UNC5D: variants seen among roughly 807,000 people sequenced by gnomAD.
UNC5D encodes the protein netrin receptor UNC5D.
UNC5D carries 39 observed loss-of-function variants against 105.4 expected under a neutral mutation model. That is an observed-to-expected ratio of 0.37 (90% CI 0.29 to 0.48). The LOEUF (loss-of-function observed/expected upper bound fraction) is 0.48. Among genes scored for constraint, UNC5D ranks in the 20% least tolerant of loss-of-function variants. The probability of loss-of-function intolerance (pLI) is 0.98; values close to 1 mark genes in which losing one functional copy is unlikely to be tolerated. For synonymous variants in UNC5D, 452 were observed against 450.4 expected (o/e 1.00, Z -0.04); for missense variants, 991 against 1,202.4 (o/e 0.82, Z 2.60).
chr8:35,599,879 G>A (rs779413513), intron 4 of UNC5D, among the ~76,000 whole-genome samples: 21 of 151,984 alleles, frequency 1.4e-4, no homozygotes, highest in Admixed American at 4.6e-4. Flanking sequence ...GTATACATGC[G>A]CCATGTTGGT....
chr8:35,533,920 G>A (rs569816173), intron 1 of UNC5D, among the ~76,000 whole-genome samples: 60 of 152,242 alleles, frequency 3.9e-4, no homozygotes, highest in Non-Finnish European at 5.0e-4. Flanking sequence ...CACGGTGCGC[G>A]CACCCACTGG....
chr8:35,713,870 TAG>T (rs1243320656), intron 8 of UNC5D, among the ~76,000 whole-genome samples: 3 of 152,098 alleles, frequency 2.0e-5, no homozygotes, highest in Non-Finnish European at 4.4e-5. Flanking sequence ...AGGGTTCACC[TAG>T]ATGAGAAGTG....
intron 4 of UNC5D, among the ~76,000 whole-genome samples, chr8:35,654,533 T>C (rs1823616452): frequency 6.6e-6 from 1 of 152,202 alleles, no homozygotes; most frequent in Non-Finnish European, 1.5e-5. Flanking sequence ...TGCCTGCTCT[T>C]AGGCTCACTC....
chr8:35,719,141 T>TACACACACAC lies in UNC5D; in HGVS notation c.1118-3032_1118-3023dup, dbSNP rs57660135. Among the ~76,000 whole-genome samples the TACACACACAC allele has an allele frequency of 6.9e-3, 925 of 133,160 alleles. 11 individuals are homozygous for TACACACACAC. Among genetic ancestry groups the TACACACACAC allele is most frequent in the East Asian group, 0.011 (49 of 4,320 alleles). 87.4% of individuals were successfully genotyped at this position (133,160 alleles called of 152,430 possible). A position where few individuals can be genotyped will look rare whatever the true frequency, so the allele number is the denominator to read the frequency against. ...CACTGCTTACATGCACATGTGCTTA[T>TACACACACAC]ACACACACACACACACACACACACA... is the stretch of plus-strand genomic sequence containing the variant. On this transcript the variant is annotated intron_variant, in intron 8 of 16. Coordinates refer to ENST00000404895, the MANE Select transcript of UNC5D (RefSeq NM_080872.4).
chr8:35,317,673 T>C (rs1809408815), intron 1 of UNC5D, among the ~76,000 whole-genome samples: 1 of 152,088 alleles, frequency 6.6e-6, no homozygotes, highest in Non-Finnish European at 1.5e-5. Flanking sequence ...GGAAGCCAGA[T>C]TGTTTAGCGA....
At chr8:35,769,856 G>C (rs1463594454) in intron 15 of UNC5D, among the ~76,000 whole-genome samples, 1 of 152,184 alleles carries the variant, frequency 6.6e-6, no homozygotes, top group East Asian at 1.9e-4. Flanking sequence ...CCAGCTACTC[G>C]GGAGGCTGAA....
chr8:35,540,601 A>G (rs1365544597), intron 1 of UNC5D, among the ~76,000 whole-genome samples: 2 of 152,110 alleles, frequency 1.3e-5, no homozygotes, highest in Non-Finnish European at 2.9e-5. Context: ...TAAATTTGAC[A>G]TCTTACTTCA....
intron 1 of UNC5D, chr8:35,525,885 A>G: frequency 9.9e-7 from 1 of 1,010,068 alleles, no homozygotes; most frequent in East Asian, 2.6e-5. Context: ...TAAAAAAGAA[A>G]ATTTTCTTTT....
chr8:35,520,636 C>T (rs753701064), intron 1 of UNC5D, among the ~76,000 whole-genome samples: 2 of 151,926 alleles, frequency 1.3e-5, no homozygotes, highest in African/African-American at 2.4e-5. Flanking sequence ...TTATAAAGTT[C>T]AAAACCAATC....
At chr8:35,537,227 T>A (rs1814909455) in intron 1 of UNC5D, among the ~76,000 whole-genome samples, 1 of 152,200 alleles carries the variant, frequency 6.6e-6, no homozygotes, top group Non-Finnish European at 1.5e-5. Flanking sequence ...AATATTTAAT[T>A]TTGCTAGTAA....
At chr8:35,559,321 G>A (rs1816790677) in intron 2 of UNC5D, among the ~76,000 whole-genome samples, 1 of 152,150 alleles carries the variant, frequency 6.6e-6, no homozygotes, top group Non-Finnish European at 1.5e-5. Flanking sequence ...TTAGAGGGGA[G>A]GGATTCTCAC....
chr8:35,307,882 A>T (rs976058833), intron 1 of UNC5D, among the ~76,000 whole-genome samples: 2 of 152,246 alleles, frequency 1.3e-5, no homozygotes, highest in Non-Finnish European at 2.9e-5. Flanking sequence ...TTGGGGGGAA[A>T]CTTCTGAAAT....
At chr8:35,614,784 C>A (rs1380310446) in intron 4 of UNC5D, among the ~76,000 whole-genome samples, 1 of 152,154 alleles carries the variant, frequency 6.6e-6, no homozygotes, top group African/African-American at 2.4e-5. Flanking sequence ...TTTGACACGT[C>A]TTTAGCTGGG....
At chr8:35,501,378 A>T (rs924919010) in intron 1 of UNC5D, among the ~76,000 whole-genome samples, 4 of 152,164 alleles carry the variant, frequency 2.6e-5, no homozygotes, top group African/African-American at 9.7e-5. Flanking sequence ...ATGTTTCTAT[A>T]CTTGAAGGCA....
chr8:35,650,655 A>G (rs1471091441), intron 4 of UNC5D, among the ~76,000 whole-genome samples: 2 of 151,914 alleles, frequency 1.3e-5, no homozygotes, highest in Non-Finnish European at 2.9e-5. Context: ...TATTTTTAAT[A>G]GAGATGGGGT....
chr8:35,348,317 GA>G (rs1811950750), intron 1 of UNC5D, among the ~76,000 whole-genome samples: 1 of 151,924 alleles, frequency 6.6e-6, no homozygotes, highest in Non-Finnish European at 1.5e-5. Flanking sequence ...GCAAGACACA[GA>G]AGCAGAGGAG....
At chr8:35,533,567 G>T (rs1471127310) in intron 1 of UNC5D, among the ~76,000 whole-genome samples, 1 of 152,212 alleles carries the variant, frequency 6.6e-6, no homozygotes, top group East Asian at 1.9e-4. Flanking sequence ...AGCTGTGGTG[G>T]GCTCCACCCA....
At chr8:35,670,122 T>C (rs988711410) in intron 4 of UNC5D, among the ~76,000 whole-genome samples, 1 of 152,132 alleles carries the variant, frequency 6.6e-6, no homozygotes, top group East Asian at 1.9e-4. Context: ...AAAGAATATA[T>C]GGTATTATAA....
chr8:35,469,813 A>G (rs1011094714), intron 1 of UNC5D, among the ~76,000 whole-genome samples: 1 of 152,220 alleles, frequency 6.6e-6, no homozygotes, highest in Non-Finnish European at 1.5e-5. Flanking sequence ...AACATAGATC[A>G]TAATTTTTGT....
Sources: gnomAD v4.1 joint callset for allele counts (sites outside exome capture counted in the v4.1 genomes callset) on GRCh38, gnomAD v4.1.1 for gene constraint, MANE v1.5 for transcripts, NCBI Gene and HGNC (gene_info 2026-07-23, HGNC 2026-07-21) for gene names.